The following PIK3C2G variants were observed in gnomAD, a reference collection of about 807,000 sequenced individuals.
PIK3C2G encodes phosphatidylinositol 3-kinase C2 domain-containing subunit gamma.
In PIK3C2G, 168 loss-of-function variants were observed where a neutral mutation model predicts 181.1. The ratio of observed to expected loss-of-function variants is 0.93; its 90% confidence interval spans 0.82 to 1.05. PIK3C2G has a LOEUF of 1.05. PIK3C2G is among the 50% of genes least tolerant of loss of function. The pLI, the probability that PIK3C2G is intolerant of heterozygous loss-of-function variation, is 0.00. For missense variants in PIK3C2G, 1,869 were observed against 1,732.8 expected (o/e 1.08, Z -1.40); for synonymous variants, 573 against 592.2 (o/e 0.97, Z 0.47).
chr12:18,423,169 AAGAG>A (rs1274980498), intron 17 of PIK3C2G, among the ~76,000 whole-genome samples: 3 of 149,184 alleles, frequency 2.0e-5, no homozygotes, highest in African/African-American at 7.4e-5. Flanking sequence ...GTGTGTGTGT[AAGAG>A]AGAGAGACTT....
chr12:18,244,245 A>T, upstream of PIK3C2G, among the ~76,000 whole-genome samples: 1 of 152,020 alleles, frequency 6.6e-6, no homozygotes, highest in East Asian at 1.9e-4. Context: ...CCAGTCAGTA[A>T]AGGTAATAAA....
chr12:18,687,194 G>A, the PIK3C2G span, among the ~76,000 whole-genome samples: 1,082 of 152,122 alleles, frequency 7.1e-3, 13 homozygotes, highest in Admixed American at 0.022. Flanking sequence ...CATGACTTTC[G>A]CTCTAGAAGC....
intron 16 of PIK3C2G, among the ~76,000 whole-genome samples, chr12:18,401,467 T>C (rs1944246290): frequency 6.6e-6 from 1 of 152,162 alleles, no homozygotes; most frequent in Non-Finnish European, 1.5e-5. Flanking sequence ...TGTAAAATTG[T>C]TATGCTAAAT....
intron 23 of PIK3C2G, among the ~76,000 whole-genome samples, chr12:18,503,951 A>G (rs1238181971): frequency 1.3e-5 from 2 of 152,110 alleles, no homozygotes; most frequent in African/African-American, 4.8e-5. Context: ...TCTGCCCTGT[A>G]TTAGGGATCT....
intron 22 of PIK3C2G, among the ~76,000 whole-genome samples, chr12:18,500,467 G>A (rs541471060): frequency 2.6e-5 from 4 of 152,150 alleles, no homozygotes; most frequent in Admixed American, 6.5e-5. Context: ...CCTCCCCTAC[G>A]AGCGCGGCCC....
intron 18 of PIK3C2G, among the ~76,000 whole-genome samples, chr12:18,461,395 G>C (rs1398142550): frequency 6.6e-6 from 1 of 152,130 alleles, no homozygotes; most frequent in Non-Finnish European, 1.5e-5. Context: ...CCATTGAGAT[G>C]AACTTCTTTG....
chr12:18,654,504 C>A, the PIK3C2G span, among the ~76,000 whole-genome samples: 1 of 152,064 alleles, frequency 6.6e-6, no homozygotes, highest in African/African-American at 2.4e-5. Flanking sequence ...GATTTCAGAC[C>A]GAAATCCCAG....
At chr12:18,521,726 C>T (rs113388263) in intron 24 of PIK3C2G, among the ~76,000 whole-genome samples, 6,503 of 152,260 alleles carry the variant, frequency 0.043, 299 homozygotes, top group African/African-American at 0.11. Context: ...TGTCGACTGC[C>T]GCCTTTCCCA....
chr12:18,619,614 T>G (rs978092522), intron 31 of PIK3C2G, among the ~76,000 whole-genome samples: 1 of 152,288 alleles, frequency 6.6e-6, no homozygotes, highest in East Asian at 1.9e-4. Context: ...TGATTTTTTC[T>G]TTGTCTTTGG....
At chr12:18,694,873 T>C in the PIK3C2G span, 1 of 1,480,892 alleles carries the variant, frequency 6.8e-7, no homozygotes, top group Non-Finnish European at 9.3e-7. Flanking sequence ...GTTTATATAA[T>C]AACCAAAAAA....
At chr12:18,596,599 CA>C (rs1947378003) in intron 30 of PIK3C2G, among the ~76,000 whole-genome samples, 6 of 152,100 alleles carry the variant, frequency 3.9e-5, no homozygotes, top group Admixed American at 3.9e-4. Flanking sequence ...AGAACATGAT[CA>C]AACACAGCAA....
At chr12:18,723,001 G>A in the PIK3C2G span, among the ~76,000 whole-genome samples, 29,444 of 151,594 alleles carry the variant, frequency 0.19, 3,019 homozygotes, top group East Asian at 0.3. Flanking sequence ...TTCTAATAGG[G>A]TACATGTAAT....
At chr12:18,626,467 G>A (rs1949104253) in intron 31 of PIK3C2G, among the ~76,000 whole-genome samples, 2 of 151,890 alleles carry the variant, frequency 1.3e-5, no homozygotes, top group Non-Finnish European at 2.9e-5. Flanking sequence ...AGTCTTAAGA[G>A]TGTTCTGAAT....
the PIK3C2G span, among the ~76,000 whole-genome samples, chr12:18,676,996 A>G: frequency 6.6e-6 from 1 of 152,138 alleles, no homozygotes; most frequent in African/African-American, 2.4e-5. Flanking sequence ...TGCTTACTGA[A>G]CAGATATTTG....
At chr12:18,363,866 C>G (rs954313800) in intron 12 of PIK3C2G, among the ~76,000 whole-genome samples, 1 of 152,136 alleles carries the variant, frequency 6.6e-6, no homozygotes, top group Non-Finnish European at 1.5e-5. Flanking sequence ...ATGGCCCCTC[C>G]CATTCCAAAC....
chr12:18,699,393 T>C, the PIK3C2G span, among the ~76,000 whole-genome samples: 1 of 152,172 alleles, frequency 6.6e-6, no homozygotes, highest in Non-Finnish European at 1.5e-5. Flanking sequence ...CGTTTAGAAA[T>C]AGAGTGGATC....
chr12:18,433,718 A>G (rs994295589), intron 18 of PIK3C2G, among the ~76,000 whole-genome samples: 1 of 152,212 alleles, frequency 6.6e-6, no homozygotes, highest in Non-Finnish European at 1.5e-5. Context: ...AGCAACTACC[A>G]ATTATGCTAA....
downstream of PIK3C2G, among the ~76,000 whole-genome samples, chr12:18,648,722 T>A (rs1404980539): frequency 6.6e-6 from 1 of 152,144 alleles, no homozygotes; most frequent in Non-Finnish European, 1.5e-5. Flanking sequence ...TCCCTTCTGA[T>A]CAAATTTCTT....
At chr12:18,507,297 G>T (rs1344510484) in intron 24 of PIK3C2G, among the ~76,000 whole-genome samples, 1 of 152,080 alleles carries the variant, frequency 6.6e-6, no homozygotes, top group Non-Finnish European at 1.5e-5. Context: ...CCAAAGTGCG[G>T]GGATTAGAGG....
Sources: gnomAD v4.1 joint callset for allele counts (sites outside exome capture counted in the v4.1 genomes callset) on GRCh38, gnomAD v4.1.1 for gene constraint, MANE v1.5 for transcripts, NCBI Gene and HGNC (gene_info 2026-07-23, HGNC 2026-07-21) for gene names.